The following TMEM268 variants were observed in gnomAD, a reference collection of about 807,000 sequenced individuals.
TMEM268 encodes transmembrane protein C9orf91.
In TMEM268, 24 loss-of-function variants were observed where a neutral mutation model predicts 39.1. That is an observed-to-expected ratio of 0.61 (90% CI 0.44 to 0.86). The LOEUF (loss-of-function observed/expected upper bound fraction) is 0.86. TMEM268 is among the 40% of genes least tolerant of loss of function. TMEM268 has a pLI of 0.00. For missense variants in TMEM268, 409 were observed against 428.6 expected, an observed-to-expected ratio of 0.95 and a Z score of 0.40; for synonymous variants, 176 against 173.5, an observed-to-expected ratio of 1.01 and a Z score of -0.12.
intron 2 of TMEM268, among the ~76,000 whole-genome samples, 168 bp downstream of exon 2, chr9:114,617,469 C>T (rs112532768): frequency 6.6e-6 from 1 of 152,254 alleles, no homozygotes; most frequent in Non-Finnish European, 1.5e-5. Flanking sequence ...CACCATCACT[C>T]TCTGCTGAGC....
rs1846757685 is a variant in TMEM268, at chr9:114,638,754, C to T, written c.849+28C>T. 2.0e-6 allele frequency: 3 copies of T among 1,500,830 alleles called. No individual in the cohort carries two copies. The East Asian group carries it at 7.5e-5, about 37-fold the overall frequency. The allele number at this position is 1,500,830 out of a possible 1,614,324, so 93.0% of individuals were successfully genotyped here. ...AACAGGCACTGGGGCTTGTTGGGGCCATCTTCCCTCGGGGGAATTTGCATA... is the reference window on the plus strand; with the variant it reads ...AACAGGCACTGGGGCTTGTTGGGGCTATCTTCCCTCGGGGGAATTTGCATA... On this transcript the variant is annotated intron_variant, in intron 8 of 8. Coordinates refer to ENST00000288502, the MANE Select transcript of TMEM268 (RefSeq NM_153045.4).
chr9:114,630,161 T>A (rs566862638), intron 5 of TMEM268, among the ~76,000 whole-genome samples: 6 of 152,350 alleles, frequency 3.9e-5, no homozygotes, highest in Admixed American at 1.3e-4. Flanking sequence ...CTGGTATTTA[T>A]GAAGCCCTTG....
In TMEM268 at chr9:114,643,126, T is replaced by C; in HGVS notation, c.850-8T>C. The C allele has an allele frequency of 6.2e-7, 1 of 1,614,052 alleles. No homozygotes were observed. ...GTGGTATTCAATCTGCTTCCCTGCC[T>C]CTTCTAGGAAATGGCCCGCCAGCTG... On this transcript the variant is annotated splice_region_variant and splice_polypyrimidine_tract_variant and intron_variant, in intron 8 of 8. Transcript: ENST00000288502.
rs57020988 is a variant in TMEM268, at chr9:114,614,892, CTTT to C, written c.-78-2206_-78-2204del. Among the ~76,000 whole-genome samples, 322 of 129,224 alleles carry C rather than the reference CTTT, an allele frequency of 2.5e-3. 4 individuals carry two copies. Among genetic ancestry groups the C allele is most frequent in the African/African-American group, 8.9e-3 (297 of 33,442 alleles). The allele number at this position is 129,224 out of a possible 152,430, so 84.8% of individuals were successfully genotyped here. A position where few individuals can be genotyped will look rare whatever the true frequency, so the allele number is the denominator to read the frequency against. Reference sequence around the variant, plus strand: ...AAACACCCATGACAGGTGTCACTGCCTTTTTTTTTTTTTTTTTTTTTTAAGATG... The same window carrying C: ...AAACACCCATGACAGGTGTCACTGCCTTTTTTTTTTTTTTTTTTTAAGATG... On this transcript the variant is annotated intron_variant, in intron 1 of 8. Transcript: ENST00000288502.
Position 114,635,569 on chromosome 9 carries a change from C to T in TMEM268, c.586-1421C>T, listed in dbSNP as rs565075560. ...TGTCGCATGCCTGTAGTCCCAGCTA[C>T]TTGGAAGGCTGAGGTGGGAGGATCA... On this transcript the variant is annotated intron_variant, in intron 6 of 8. Coordinates refer to ENST00000288502, the MANE Select transcript of TMEM268 (RefSeq NM_153045.4). Among the ~76,000 whole-genome samples the T allele has an allele frequency of 3.9e-5, 6 of 152,234 alleles. No individual in the cohort carries two copies. In the South Asian group the frequency reaches 1.2e-3, roughly 32 times the overall value.
chr9:114,643,241 A>T lies in TMEM268; in HGVS notation c.957A>T (p.Arg319Ser), dbSNP rs1289692734. 1 of 1,613,992 alleles carries T rather than the reference A, an allele frequency of 6.2e-7. No individual in the cohort carries two copies. The highest frequency in any genetic ancestry group is 8.5e-7 in the Non-Finnish European group (1 of 1,180,016). ...GGACACGACACACGAACTCTCCGAG[A>T]ATTCCATGCCCCTGCCAGCTCATAG... ...AMGTRHTNSP[R>S]IPCPCQLIEA... The change falls in exon 9 of 9, where the codon AGA (arginine) becomes AGT (serine). Residue 319 changes from arginine (R) to serine (S), a missense_variant. Transcript: ENST00000288502.
At position 114,635,826 on chromosome 9, in the gene TMEM268, C is replaced by A. The variant is rs889602534; in HGVS notation, c.586-1164C>A. Among the ~76,000 whole-genome samples the A allele has an allele frequency of 2.0e-4, 30 of 152,188 alleles. No individual in the cohort carries two copies. In the East Asian group the frequency reaches 5.4e-3, roughly 27 times the overall value. Reference sequence around the variant, plus strand: ...AGGTTGGGGTGTTGGGGACGGGTACCGAGTGAGGATGGAGATGAACCAAGA... The same window carrying A: ...AGGTTGGGGTGTTGGGGACGGGTACAGAGTGAGGATGGAGATGAACCAAGA... On this transcript the variant is annotated intron_variant, in intron 6 of 8. Coordinates refer to ENST00000288502, the MANE Select transcript of TMEM268 (RefSeq NM_153045.4).
chr9:114,637,648 A>G (rs1846702187), intron 7 of TMEM268, among the ~76,000 whole-genome samples: 1 of 152,198 alleles, frequency 6.6e-6, no homozygotes, highest in Non-Finnish European at 1.5e-5. Flanking sequence ...CCAAAGTATC[A>G]TGCATTGAGG....
At chr9:114,615,332 C>T (rs1407705885) in intron 1 of TMEM268, 1 of 152,272 alleles carries the variant, frequency 6.6e-6, no homozygotes, top group African/African-American at 2.4e-5. Flanking sequence ...TCCATTGATC[C>T]TTTGCGGCAA....
intron 1 of TMEM268, among the ~76,000 whole-genome samples, chr9:114,616,277 A>G (rs1389921444): frequency 1.3e-5 from 2 of 151,820 alleles, no homozygotes; most frequent in African/African-American, 4.8e-5. Flanking sequence ...GGCCTCCCAA[A>G]GTGCTGGGAT....
At chr9:114,616,108 C>T (rs1392884088) in intron 1 of TMEM268, among the ~76,000 whole-genome samples, 2 of 149,532 alleles carry the variant, frequency 1.3e-5, no homozygotes, top group African/African-American at 4.9e-5. Flanking sequence ...CTCCACCCCC[C>T]GGGTTCACGC....
At position 114,611,444 on chromosome 9, in the gene TMEM268, G is replaced by C. The variant is rs373041290; in HGVS notation, c.-199G>C. ...CGGGCCCGTGAAGGCGGCGCAGCGC[G>C]GCGCGGGAGGCGTGCTGGGCGCGGG... On this transcript the variant is annotated 5_prime_UTR_variant, in exon 1 of 9. Transcript: ENST00000288502. 1,990 of 150,622 alleles carry C rather than the reference G, an allele frequency of 0.013. 65 individuals carry two copies. The highest frequency in any genetic ancestry group is 0.096 in the East Asian group (489 of 5,108). 9.3% of individuals were successfully genotyped at this position (150,622 alleles called of 1,614,324 possible).
intron 2 of TMEM268, among the ~76,000 whole-genome samples, chr9:114,619,691 T>A (rs1005402326): frequency 6.6e-6 from 1 of 152,182 alleles, no homozygotes; most frequent in Non-Finnish European, 1.5e-5. Flanking sequence ...CACTTTCATT[T>A]TCCCTGTTTA....
intron 8 of TMEM268, among the ~76,000 whole-genome samples, chr9:114,641,260 A>C (rs1324730736): frequency 6.6e-6 from 1 of 152,206 alleles, no homozygotes; most frequent in Non-Finnish European, 1.5e-5. Flanking sequence ...AAATGGGCTC[A>C]GTAATGTGAA....
Position 114,645,457 on chromosome 9 carries a change from G to T in TMEM268, c.*2144G>T, listed in dbSNP as rs934521224. The T allele has an allele frequency of 4.6e-5, 7 of 152,390 alleles. No individual in the cohort carries two copies. Among genetic ancestry groups the T allele is most frequent in the African/African-American group, 1.7e-4 (7 of 41,470 alleles). The allele number at this position is 152,390 out of a possible 1,614,324, so 9.4% of individuals were successfully genotyped here. A position where few individuals can be genotyped will look rare whatever the true frequency, so the allele number is the denominator to read the frequency against. ...GACCATTCACTTTCTGTGTGCCAGA[G>T]AAGAGAGATCATGGGTATAGACCAG... On this transcript the variant is annotated 3_prime_UTR_variant, in exon 9 of 9. Coordinates refer to ENST00000288502, the MANE Select transcript of TMEM268 (RefSeq NM_153045.4).
At chr9:114,612,062 T>C (rs1420500261) in intron 1 of TMEM268, among the ~76,000 whole-genome samples, 2 of 152,206 alleles carry the variant, frequency 1.3e-5, no homozygotes, top group Admixed American at 6.5e-5. Flanking sequence ...CTCGGACTCA[T>C]TGTGTCTCAA....
chr9:114,625,020 C>T (rs1448505723), intron 3 of TMEM268, among the ~76,000 whole-genome samples: 5 of 152,200 alleles, frequency 3.3e-5, no homozygotes, highest in Admixed American at 6.5e-5. Flanking sequence ...TGATGCAGTA[C>T]CTTCAAGCAT....
intron 1 of TMEM268, among the ~76,000 whole-genome samples, chr9:114,616,173 G>A (rs1225340994): frequency 6.7e-6 from 1 of 149,936 alleles, no homozygotes; most frequent in African/African-American, 2.5e-5. Flanking sequence ...CCACCACCAC[G>A]CCTGGCTAAT....
At chr9:114,632,885 A>G (rs1165022843) in intron 5 of TMEM268, among the ~76,000 whole-genome samples, 1 of 152,214 alleles carries the variant, frequency 6.6e-6, no homozygotes, top group Non-Finnish European at 1.5e-5. Flanking sequence ...GGGAAGGGAC[A>G]TACCTTGTCC....
Sources: allele counts gnomAD v4.1 joint callset (sites outside exome capture counted in the v4.1 genomes callset), GRCh38; gene constraint gnomAD v4.1.1; transcripts MANE v1.5; gene names NCBI Gene and HGNC (gene_info 2026-07-23, HGNC 2026-07-21).